Variants in PAPPA2 observed in about 807,000 individuals in gnomAD.
The protein encoded by PAPPA2 is pappalysin 2.
A neutral mutation model predicts 176.4 loss-of-function variants in PAPPA2; 86 were observed. The observed-to-expected ratio is 0.49, with a 90% confidence interval of 0.41 to 0.58. The LOEUF is 0.58. Among genes scored for constraint, PAPPA2 ranks in the 20% least tolerant of loss-of-function variants. PAPPA2 has a pLI of 0.00. For missense variants in PAPPA2, 2,073 were observed against 2,256.9 expected (o/e 0.92, Z 1.65); for synonymous variants, 809 against 852.2 (o/e 0.95, Z 0.88).
chr1:176,484,504 C>G (rs1487106786), intron 1 of PAPPA2, among the ~76,000 whole-genome samples: 1 of 152,002 alleles, frequency 6.6e-6, no homozygotes, highest in African/African-American at 2.4e-5. Context: ...TGTAGTTGTC[C>G]TACAGTTCTT....
At position 176,740,169 on chromosome 1, in the gene PAPPA2, A is replaced by G. The variant is rs758086408; in HGVS notation, c.4124A>G (p.Asp1375Gly). The part of the protein sequence containing the change: ...LSAPSNCISE[D>G]EGQNHQGQSC... ...GCTCCCAGTAACTGCATCTCAGAGGACGAGGGGCAGAATCATCAGGGACAG... is the reference window on the plus strand; with the variant it reads ...GCTCCCAGTAACTGCATCTCAGAGGGCGAGGGGCAGAATCATCAGGGACAG... The change falls in exon 14 of 23, where the codon GAC (aspartate) becomes GGC (glycine). Residue 1375 changes from aspartate (D) to glycine (G), a missense_variant. Around this residue, in one of 4 missense-constraint regions of PAPPA2, gnomAD observed 846 missense variants for 857.9 expected, o/e 0.99. Coordinates refer to ENST00000367662, the MANE Select transcript of PAPPA2 (RefSeq NM_020318.3). The G allele has an allele frequency of 6.2e-6, 10 of 1,613,658 alleles. No homozygotes were observed. Among genetic ancestry groups the G allele is most frequent in the Non-Finnish European group, 8.5e-6 (10 of 1,179,830 alleles).
intron 21 of PAPPA2, among the ~76,000 whole-genome samples, chr1:176,827,414 A>G (rs928850875): frequency 2.0e-5 from 3 of 152,186 alleles, no homozygotes; most frequent in African/African-American, 7.2e-5. Flanking sequence ...TTCTTTTACC[A>G]TCTGAAATGT....
At chr1:176,779,538 A>G (rs533671603) in intron 17 of PAPPA2, among the ~76,000 whole-genome samples, 25 of 151,818 alleles carry the variant, frequency 1.6e-4, no homozygotes, top group Non-Finnish European at 3.4e-4. Context: ...AGAGAGAGAG[A>G]GAGGAGTGTG....
chr1:176,549,056 C>T (rs1486410007), intron 1 of PAPPA2, among the ~76,000 whole-genome samples: 1 of 152,126 alleles, frequency 6.6e-6, no homozygotes, highest in East Asian at 1.9e-4. Context: ...AGGGAAATCA[C>T]CACATTTTAA....
chr1:176,686,837 A>G (rs1015204943), intron 4 of PAPPA2, among the ~76,000 whole-genome samples: 12 of 152,188 alleles, frequency 7.9e-5, no homozygotes, highest in African/African-American at 2.9e-4. Flanking sequence ...TTACAGATGA[A>G]GAGATTAGGG....
chr1:176,818,039 G>T (rs1571372114), intron 21 of PAPPA2, among the ~76,000 whole-genome samples: 1 of 152,166 alleles, frequency 6.6e-6, no homozygotes, highest in Non-Finnish European at 1.5e-5. Flanking sequence ...TAGAGAGGCG[G>T]AAGGAAGAAA....
Position 176,671,002 on chromosome 1 carries a change from C to A in PAPPA2, c.2024C>A (p.Ala675Asp). Residue 675 changes from alanine (A) to aspartate (D), a missense_variant, in exon 4 of 23, where the codon GCC becomes GAC. By Grantham distance (126) the Ala-to-Asp change is moderately radical. This residue lies in a region of PAPPA2 where 1,196 missense variants were observed against 1,330.4 expected (regional missense o/e 0.90). Transcript: ENST00000367662. ...AYMSVKELKE[A>D]LQLNSTHFLN... ...ATGAGTGTGAAGGAGCTGAAGGAGG[C>A]CCTGCAGCTGAACAGTACTCACTTC... is the stretch of plus-strand genomic sequence containing the variant. 5.0e-6 allele frequency: 8 copies of A among 1,613,806 alleles called. No individual in the cohort carries two copies. The highest frequency in any genetic ancestry group is 6.8e-6 in the Non-Finnish European group (8 of 1,179,828).
chr1:176,776,866 G>A (rs2102920161), intron 17 of PAPPA2, among the ~76,000 whole-genome samples: 1 of 150,252 alleles, frequency 6.7e-6, no homozygotes, highest in South Asian at 2.1e-4. Context: ...TATATAATTT[G>A]ATATAGTAAT....
At chr1:176,566,329 G>A (rs1032085213) in intron 2 of PAPPA2, among the ~76,000 whole-genome samples, 3 of 151,950 alleles carry the variant, frequency 2.0e-5, no homozygotes, top group African/African-American at 7.2e-5. Flanking sequence ...CTGTAAGAAT[G>A]GCCTGTGATT....
chr1:176,567,458 C>G (rs756904488), intron 2 of PAPPA2, among the ~76,000 whole-genome samples: 1 of 152,208 alleles, frequency 6.6e-6, no homozygotes, highest in Non-Finnish European at 1.5e-5. Context: ...AGTCATCATT[C>G]AAGTGGTGAC....
intron 14 of PAPPA2, among the ~76,000 whole-genome samples, chr1:176,753,965 T>A (rs1215822240): frequency 6.6e-6 from 1 of 151,422 alleles, no homozygotes; most frequent in East Asian, 1.9e-4. Context: ...TGGCTGGCTG[T>A]ATGACAAGTC....
chr1:176,511,944 G>T (rs993279368), intron 1 of PAPPA2, among the ~76,000 whole-genome samples: 11 of 151,874 alleles, frequency 7.2e-5, no homozygotes, highest in African/African-American at 2.7e-4. Flanking sequence ...TCCTTTAAAA[G>T]GTGCTATTAA....
At chr1:176,702,938 G>A (rs185693592) in intron 9 of PAPPA2, among the ~76,000 whole-genome samples, 1 of 152,182 alleles carries the variant, frequency 6.6e-6, no homozygotes, top group East Asian at 1.9e-4. Context: ...GTTGTGTCAG[G>A]TCTTGAGATC....
intron 3 of PAPPA2, among the ~76,000 whole-genome samples, chr1:176,632,032 A>G (rs1342380344): frequency 3.9e-5 from 6 of 152,130 alleles, no homozygotes; most frequent in Admixed American, 2.0e-4. Context: ...AAGTGTTGTC[A>G]TGTAGCTTCT....
intron 3 of PAPPA2, among the ~76,000 whole-genome samples, chr1:176,655,003 T>A (rs920346012): frequency 1.3e-5 from 2 of 151,836 alleles, no homozygotes; most frequent in South Asian, 4.1e-4. Context: ...CATAAGATCA[T>A]GTCATTAGTA....
intron 1 of PAPPA2, among the ~76,000 whole-genome samples, 192 bp from the exon 2 acceptor site, chr1:176,555,215 G>C (rs1292124444): frequency 6.6e-6 from 1 of 152,128 alleles, no homozygotes; most frequent in Non-Finnish European, 1.5e-5. Flanking sequence ...AGTAGGTGGA[G>C]TGATGCATTG....
Position 176,840,266 on chromosome 1 carries a change from A to G in PAPPA2, c.5296A>G (p.Lys1766Glu). 2 of 1,610,708 alleles carry G rather than the reference A, an allele frequency of 1.2e-6. No individual in the cohort carries two copies. The highest frequency in any genetic ancestry group is 1.7e-6 in the Non-Finnish European group (2 of 1,177,382). The change falls in exon 22 of 23, where the codon AAG becomes GAG. Residue 1766 changes from lysine to glutamate, a missense_variant. By Grantham distance (56) the Lys-to-Glu change is moderately conservative (BLOSUM62 1). Transcript: ENST00000367662. ...CTGCTGCTCTTCCACACTCTCCTCC[A>G]AGAAGGTGAGTGAGAGAACCTGGGG... Reference protein sequence around the residue: ...GDCCSSTLSSKKVIPFAADCD... With the variant: ...GDCCSSTLSSEKVIPFAADCD...
chr1:176,716,234 T>C lies in PAPPA2; in HGVS notation c.3798+4253T>C, dbSNP rs535544094. On this transcript the variant is annotated intron_variant, in intron 12 of 22. Transcript: ENST00000367662. ...CCTTTGCCAATTTAACCTCTTTCTT[T>C]TTTTTTTTTTTTTTCTTTTGTTTGA... Among the ~76,000 whole-genome samples, 118 of 150,138 alleles carry C rather than the reference T, an allele frequency of 7.9e-4. 2 individuals carry two copies. The highest frequency in any genetic ancestry group is 2.8e-3 in the African/African-American group (115 of 40,808).
intron 1 of PAPPA2, among the ~76,000 whole-genome samples, chr1:176,475,172 G>A (rs1333889989): frequency 7.2e-5 from 11 of 152,248 alleles, no homozygotes; most frequent in Middle Eastern, 3.4e-3. Context: ...CCTGGGGTAC[G>A]TGGCTCATCT....
Sources: gnomAD v4.1 joint callset for allele counts (sites outside exome capture counted in the v4.1 genomes callset) on GRCh38, gnomAD v4.1.1 for gene constraint, gnomAD v4.1.1 regional missense constraint, MANE v1.5 for transcripts, NCBI Gene and HGNC (gene_info 2026-07-23, HGNC 2026-07-21) for gene names.